The following SMYD3 variants were observed in gnomAD, a reference collection of about 807,000 sequenced individuals.
SMYD3 encodes the protein histone-lysine N-methyltransferase SMYD3.
Under a neutral mutation model 57.7 loss-of-function variants are expected in SMYD3, and 36 were observed. The ratio of observed to expected loss-of-function variants is 0.62; its 90% CI spans 0.48 to 0.82. The LOEUF (loss-of-function observed/expected upper bound fraction) is 0.82, where lower values mean the gene tolerates loss of function less well. Ranked by LOEUF, SMYD3 falls within the 40% of genes least tolerant of loss-of-function variation. The pLI, the probability that SMYD3 is intolerant of heterozygous loss-of-function variation, is 0.00. For synonymous variants in SMYD3, 211 were observed against 195.0 expected, an observed-to-expected ratio of 1.08 and a Z score of -0.68; for missense variants, 515 against 538.8, an observed-to-expected ratio of 0.96 and a Z score of 0.44.
chr1:246,485,612 C>CG (rs374835054), intron 1 of SMYD3, among the ~76,000 whole-genome samples: 3 of 151,730 alleles, frequency 2.0e-5, no homozygotes, highest in South Asian at 2.1e-4. Context: ...TGAGACCCCC[C>CG]CCCACATCTC....
chr1:245,877,998 G>A (rs1320858024), intron 8 of SMYD3, among the ~76,000 whole-genome samples: 1 of 152,150 alleles, frequency 6.6e-6, no homozygotes, highest in Admixed American at 6.5e-5. Flanking sequence ...GCACGGAAAC[G>A]AAAGGAGAGT....
At chr1:245,881,482 G>A (rs1326095494) in intron 8 of SMYD3, among the ~76,000 whole-genome samples, 1 of 152,088 alleles carries the variant, frequency 6.6e-6, no homozygotes, top group East Asian at 1.9e-4. Flanking sequence ...TCATTTTGAA[G>A]CATCAGGTAA....
chr1:246,417,198 T>C (rs1207380679), intron 1 of SMYD3: 1 of 152,200 alleles, frequency 6.6e-6, no homozygotes, highest in Non-Finnish European at 1.5e-5. Flanking sequence ...CCCCCAAAAT[T>C]GCCTATATTC....
At chr1:246,033,341 G>A (rs1435931292) in intron 5 of SMYD3, among the ~76,000 whole-genome samples, 3 of 152,184 alleles carry the variant, frequency 2.0e-5, no homozygotes, top group African/African-American at 7.2e-5. Context: ...TCTTGAAATG[G>A]CAACATTAGA....
intron 8 of SMYD3, among the ~76,000 whole-genome samples, chr1:245,908,469 T>C (rs2148634948): frequency 6.6e-6 from 1 of 152,336 alleles, no homozygotes; most frequent in Non-Finnish European, 1.5e-5. Flanking sequence ...ACACTTAATC[T>C]GTACCACAGA....
intron 8 of SMYD3, among the ~76,000 whole-genome samples, chr1:245,878,186 G>T (rs1452064006): frequency 6.6e-6 from 1 of 152,180 alleles, no homozygotes; most frequent in East Asian, 1.9e-4. Context: ...AACAAACAGG[G>T]TCATTAAGTG....
chr1:245,825,448 C>G (rs1367045836), intron 10 of SMYD3, among the ~76,000 whole-genome samples: 1 of 152,206 alleles, frequency 6.6e-6, no homozygotes, highest in Non-Finnish European at 1.5e-5. Context: ...TGACAGGCGG[C>G]CCCTCTATCT....
intron 5 of SMYD3, among the ~76,000 whole-genome samples, chr1:246,230,933 A>G (rs1180744856): frequency 6.6e-6 from 1 of 152,160 alleles, no homozygotes; most frequent in Non-Finnish European, 1.5e-5. Context: ...CAGCAAATCA[A>G]TTTCTCTCAC....
At position 246,141,698 on chromosome 1, in the gene SMYD3, T is replaced by A. The variant is rs112684862; in HGVS notation, c.531+185503A>T. 5.9e-3 allele frequency among the ~76,000 whole-genome samples: 901 copies of A among 152,280 alleles called. 13 individuals are homozygous for A. The highest frequency in any genetic ancestry group is 0.021 in the African/African-American group (864 of 41,544). ...AACGTAAACACATTTAAAAAAAATCTTCATTTAAATTTATTAAACAGTCCA... is the reference window on the plus strand; with the variant it reads ...AACGTAAACACATTTAAAAAAAATCATCATTTAAATTTATTAAACAGTCCA... On this transcript the variant is annotated intron_variant, in intron 5 of 11. Transcript: ENST00000490107.
intron 5 of SMYD3, among the ~76,000 whole-genome samples, chr1:246,145,530 T>C (rs771921794): frequency 6.6e-6 from 1 of 152,220 alleles, no homozygotes; most frequent in East Asian, 1.9e-4. Flanking sequence ...GTTTTGATTA[T>C]TGATTAACTG....
At chr1:246,246,971 G>A (rs1054019313) in intron 5 of SMYD3, among the ~76,000 whole-genome samples, 12 of 151,920 alleles carry the variant, frequency 7.9e-5, no homozygotes, top group East Asian at 1.9e-4. Flanking sequence ...ATATTTCTTC[G>A]TTAGTTATAT....
intron 1 of SMYD3, among the ~76,000 whole-genome samples, chr1:246,359,543 A>T (rs2065957118): frequency 6.6e-6 from 1 of 152,168 alleles, no homozygotes; most frequent in Non-Finnish European, 1.5e-5. Flanking sequence ...ATTCCTGATG[A>T]CACAGATGCA....
At chr1:245,833,278 C>G (rs1226641082) in intron 10 of SMYD3, among the ~76,000 whole-genome samples, 1 of 152,100 alleles carries the variant, frequency 6.6e-6, no homozygotes, top group Non-Finnish European at 1.5e-5. Flanking sequence ...TAACTAAACC[C>G]CAGGCTTTAC....
At chr1:245,984,308 T>A (rs942476473) in intron 5 of SMYD3, among the ~76,000 whole-genome samples, 1 of 152,178 alleles carries the variant, frequency 6.6e-6, no homozygotes. Context: ...AACCCTACTC[T>A]CATCTCAGGA....
chr1:246,132,683 T>C (rs1029819083), intron 5 of SMYD3, among the ~76,000 whole-genome samples: 2 of 152,042 alleles, frequency 1.3e-5, no homozygotes, highest in African/African-American at 4.8e-5. Flanking sequence ...ACAATCAACA[T>C]TGTGAAAAAG....
intron 1 of SMYD3, among the ~76,000 whole-genome samples, chr1:246,461,842 T>C (rs2067802433): frequency 6.6e-6 from 1 of 152,202 alleles, no homozygotes; most frequent in Non-Finnish European, 1.5e-5. Flanking sequence ...GCCACACACT[T>C]TTGGCATACC....
At chr1:246,183,359 G>T (rs72774415) in intron 5 of SMYD3, among the ~76,000 whole-genome samples, 2,583 of 151,858 alleles carry the variant, frequency 0.017, 34 homozygotes, top group Non-Finnish European at 0.024. Context: ...CAGTTTACTG[G>T]ATGCCATTTA....
chr1:245,893,774 G>GTGA lies in SMYD3; in HGVS notation c.813+21755_813+21756insTCA, dbSNP rs112970369. On this transcript the variant is annotated intron_variant, in intron 8 of 11. Coordinates refer to ENST00000490107, the MANE Select transcript of SMYD3 (RefSeq NM_001167740.2). ...CTCTATCTTGATGGTGGTGGTGGTG[G>GTGA]TTGTGGTCACAGACTGCATTTATCC... Among the ~76,000 whole-genome samples, 3 of 152,048 alleles carry GTGA rather than the reference G, an allele frequency of 2.0e-5. No individual in the cohort carries two copies. In the East Asian group the frequency reaches 5.8e-4, roughly 29 times the overall value.
In SMYD3 at chr1:245,922,022, T is replaced by C. The variant is rs140773233; in HGVS notation, c.702+5909A>G. Among the ~76,000 whole-genome samples the C allele has an allele frequency of 1.8e-3, 281 of 152,336 alleles. 2 individuals carry two copies. Among genetic ancestry groups the C allele is most frequent in the African/African-American group, 6.3e-3 (261 of 41,580 alleles). On this transcript the variant is annotated intron_variant, in intron 7 of 11. Transcript: ENST00000490107. The stretch of plus-strand genomic sequence containing the variant: ...ATTTTTTTAAAAATCACAATTAGGT[T>C]ACTAAATATTCTTTTAGCTTAATTC...
Sources: gnomAD v4.1 joint callset for allele counts (sites outside exome capture counted in the v4.1 genomes callset) on GRCh38, gnomAD v4.1.1 for gene constraint, MANE v1.5 for transcripts, NCBI Gene and HGNC (gene_info 2026-07-23, HGNC 2026-07-21) for gene names.